The following DBT variants were observed in gnomAD, a reference collection of about 807,000 sequenced individuals.
DBT encodes the protein dihydrolipoamide branched chain transacylase E2, also known as lipoamide acyltransferase component of branched-chain alpha-keto acid dehydrogenase complex, mitochondrial.
A neutral mutation model predicts 51.3 loss-of-function variants in DBT; 40 were observed. That is an observed-to-expected ratio of 0.78 (90% CI 0.61 to 1.02). The LOEUF (loss-of-function observed/expected upper bound fraction) is 1.02, where lower values mean the gene tolerates loss of function less well. Among genes scored for constraint, DBT ranks in the 50% least tolerant of loss-of-function variants. The pLI is 0.00. For missense variants in DBT, 510 were observed against 580.2 expected (o/e 0.88, Z 1.24); for synonymous variants, 181 against 190.4 (o/e 0.95, Z 0.41).
intron 1 of DBT, among the ~76,000 whole-genome samples, chr1:100,248,465 T>C (rs748416495): frequency 6.6e-6 from 1 of 151,906 alleles, no homozygotes; most frequent in Non-Finnish European, 1.5e-5. Flanking sequence ...GGGTTTGGAG[T>C]AGACCTGGTT....
At chr1:100,236,669 A>C (rs1217251670) in intron 2 of DBT, among the ~76,000 whole-genome samples, 1 of 152,224 alleles carries the variant, frequency 6.6e-6, no homozygotes, top group Admixed American at 6.5e-5. Flanking sequence ...ATTTTTTTTA[A>C]ATCAACATTC....
chr1:100,236,687 C>T (rs1298286482), intron 2 of DBT, among the ~76,000 whole-genome samples: 1 of 151,976 alleles, frequency 6.6e-6, no homozygotes, highest in African/African-American at 2.4e-5. Context: ...TTCTTGATTC[C>T]ATAAGTAATT....
intron 10 of DBT, among the ~76,000 whole-genome samples, chr1:100,200,286 A>G (rs1368464849): frequency 6.6e-6 from 1 of 152,180 alleles, no homozygotes; most frequent in Non-Finnish European, 1.5e-5. Context: ...AAATAAAGCC[A>G]CAGGGAAGTT....
chr1:100,245,292 C>G (rs1256957094), intron 1 of DBT, among the ~76,000 whole-genome samples: 1 of 151,908 alleles, frequency 6.6e-6, no homozygotes, highest in African/African-American at 2.4e-5. Context: ...TGAAGCAATC[C>G]TCCTGTCTCA....
rs1419461376 is a variant in DBT, at chr1:100,194,534, T to TG, written c.*1720dup. On this transcript the variant is annotated 3_prime_UTR_variant, in exon 11 of 11. Coordinates refer to ENST00000370132, the MANE Select transcript of DBT (RefSeq NM_001918.5). ...TTGTATTTTTACAAAACTGTAGAGATGGGGTTTCACCATGTTGGCCAGGGT... is the reference window on the plus strand; with the variant it reads ...TTGTATTTTTACAAAACTGTAGAGATGGGGGTTTCACCATGTTGGCCAGGGT... 1.3e-5 allele frequency: 2 copies of TG among 152,032 alleles called. No individual in the cohort carries two copies. The highest frequency in any genetic ancestry group is 4.8e-5 in the African/African-American group (2 of 41,352). 9.4% of individuals were successfully genotyped at this position (152,032 alleles called of 1,614,324 possible). A position where few individuals can be genotyped will look rare whatever the true frequency, so the allele number is the denominator to read the frequency against.
chr1:100,246,172 C>T (rs1288361423), intron 1 of DBT, among the ~76,000 whole-genome samples: 1 of 152,156 alleles, frequency 6.6e-6, no homozygotes, highest in Non-Finnish European at 1.5e-5. Flanking sequence ...GCAGGAGAAT[C>T]GCTTGAACCC....
At position 100,196,430 on chromosome 1, in the gene DBT, TGAAAAAAAAA is replaced by T; in HGVS notation, c.1282-18_1282-9del. 4.0e-6 allele frequency: 2 copies of T among 504,484 alleles called. No homozygotes were observed. Among genetic ancestry groups the T allele is most frequent in the East Asian group, 5.9e-5 (1 of 16,870 alleles). The allele number at this position is 504,484 out of a possible 1,614,324, so 31.3% of individuals were successfully genotyped here. A position where few individuals can be genotyped will look rare whatever the true frequency, so the allele number is the denominator to read the frequency against. On this transcript the variant is annotated splice_polypyrimidine_tract_variant and intron_variant, in intron 10 of 10. Coordinates refer to ENST00000370132, the MANE Select transcript of DBT (RefSeq NM_001918.5). ...GTTAAATCGGGGAATGGCCTAGAAA[TGAAAAAAAAA>T]AAAAAAAAAAAAAAAAAAAGAACAA...
intron 3 of DBT, among the ~76,000 whole-genome samples, chr1:100,233,526 CTTAAG>C (rs998060305): frequency 2.0e-5 from 3 of 152,100 alleles, no homozygotes; most frequent in African/African-American, 4.8e-5. Flanking sequence ...ATATTTTTTC[CTTAAG>C]TTATTTATGG....
At chr1:100,219,457 G>A (rs1264062143) in intron 4 of DBT, among the ~76,000 whole-genome samples, 2 of 152,104 alleles carry the variant, frequency 1.3e-5, no homozygotes, top group East Asian at 3.8e-4. Flanking sequence ...ATGAAAGAAT[G>A]GGCTGGGCAC....
Position 100,192,762 on chromosome 1 carries a change from C to T in DBT, c.*3493G>A, listed in dbSNP as rs1174340016. The T allele has an allele frequency of 6.6e-6, 1 of 152,182 alleles. No individual in the cohort carries two copies. The highest frequency in any genetic ancestry group is 1.5e-5 in the Non-Finnish European group (1 of 68,034). The allele number at this position is 152,182 out of a possible 1,614,324, so 9.4% of individuals were successfully genotyped here. On this transcript the variant is annotated 3_prime_UTR_variant, in exon 11 of 11. Transcript: ENST00000370132. The stretch of plus-strand genomic sequence containing the variant: ...CAGACTTCCTTTCCTGTTGTACTTC[C>T]TTTTCAAATATCAGAGGAATGCTCA...
intron 4 of DBT, among the ~76,000 whole-genome samples, chr1:100,225,646 G>A (rs1663151201): frequency 6.6e-6 from 1 of 151,892 alleles, no homozygotes; most frequent in Non-Finnish European, 1.5e-5. Flanking sequence ...CCAACATGGT[G>A]AAACCTCACC....
intron 4 of DBT, among the ~76,000 whole-genome samples, chr1:100,228,346 TAACAA>T (rs1663342271): frequency 6.6e-6 from 1 of 152,096 alleles, no homozygotes; most frequent in Non-Finnish European, 1.5e-5. Flanking sequence ...TTAAGAGATA[TAACAA>T]CTAGGTGCAA....
At chr1:100,221,047 A>G (rs1662828109) in intron 4 of DBT, among the ~76,000 whole-genome samples, 1 of 152,248 alleles carries the variant, frequency 6.6e-6, no homozygotes, top group South Asian at 2.1e-4. Flanking sequence ...TTTGCTGAAG[A>G]GAATGTATAA....
chr1:100,213,792 T>A (rs1662307958), intron 7 of DBT: 1 of 1,449,190 alleles, frequency 6.9e-7, no homozygotes, highest in Non-Finnish European at 9.1e-7. Flanking sequence ...GGGACCGATG[T>A]GGCACACGCC....
chr1:100,236,531 T>C (rs1172434980), intron 2 of DBT, among the ~76,000 whole-genome samples: 1 of 152,170 alleles, frequency 6.6e-6, no homozygotes, highest in Non-Finnish European at 1.5e-5. Context: ...TACATTTTGG[T>C]TATGGAGGTA....
At position 100,214,822 on chromosome 1, in the gene DBT, A is replaced by C. The variant is rs1662387862; in HGVS notation, c.934T>G (p.Leu312Val). The C allele has an allele frequency of 1.2e-6, 2 of 1,613,926 alleles. No individual in the cohort carries two copies. Among genetic ancestry groups the C allele is most frequent in the Non-Finnish European group, 1.7e-6 (2 of 1,179,804 alleles). ...GIKLSFMPFF[L>V]KAASLGLLQF... ...TTGAAATGAATGAATCTCACCTTTAAGAAGAAAGGCATAAAGGAGAGTTTA... is the reference window on the plus strand; with the variant it reads ...TTGAAATGAATGAATCTCACCTTTACGAAGAAAGGCATAAAGGAGAGTTTA... The change falls in exon 7 of 11, where the codon TTA (leucine) becomes GTA (valine). Residue 312 changes from leucine to valine, a missense_variant. Physicochemically the swap from Leu to Val is conservative, Grantham distance 32. Transcript: ENST00000370132.
intron 1 of DBT, among the ~76,000 whole-genome samples, chr1:100,243,260 CA>C (rs147918527): frequency 0.75 from 81,634 of 108,456 alleles, 29,209 homozygotes; most frequent in East Asian, 0.9. Flanking sequence ...ACCTTGTCTC[CA>C]AAAAAAAAAA....
intron 4 of DBT, among the ~76,000 whole-genome samples, chr1:100,222,526 C>T (rs1008629502): frequency 2.0e-5 from 3 of 152,094 alleles, no homozygotes; most frequent in Non-Finnish European, 4.4e-5. Context: ...ATCCTAACTC[C>T]ACCACTTAGT....
chr1:100,228,417 C>G (rs1008495068), intron 4 of DBT, among the ~76,000 whole-genome samples: 1 of 152,116 alleles, frequency 6.6e-6, no homozygotes, highest in Non-Finnish European at 1.5e-5. Context: ...ATATCAAGGA[C>G]ATTTTGGGGA....
Sources: gnomAD v4.1 joint callset for allele counts (sites outside exome capture counted in the v4.1 genomes callset) on GRCh38, gnomAD v4.1.1 for gene constraint, MANE v1.5 for transcripts, NCBI Gene and HGNC (gene_info 2026-07-23, HGNC 2026-07-21) for gene names.